Variants in DYNC2H1 observed in about 807,000 individuals in gnomAD.
The protein encoded by DYNC2H1 is dynein cytoplasmic 2 heavy chain 1, also known as cytoplasmic dynein 2 heavy chain 1.
Under a neutral mutation model 570.0 loss-of-function variants are expected in DYNC2H1, and 410 were observed. The observed-to-expected ratio is 0.72, with a 90% CI of 0.66 to 0.78. DYNC2H1 has a LOEUF of 0.78. Among genes scored for constraint, DYNC2H1 ranks in the 30% least tolerant of loss-of-function variants. DYNC2H1 has a pLI of 0.00. For synonymous variants in DYNC2H1, 1,688 were observed against 1,677.6 expected (o/e 1.01, Z -0.15); for missense variants, 4,865 against 5,046.4 (o/e 0.96, Z 1.09).
intron 82 of DYNC2H1, among the ~76,000 whole-genome samples, chr11:103,346,418 A>G (rs1433502484): frequency 6.6e-6 from 1 of 152,182 alleles, no homozygotes; most frequent in Non-Finnish European, 1.5e-5. Context: ...GAGATAATGT[A>G]TTTGTACTTT....
At chr11:103,136,611 A>T (rs1167987121) in intron 17 of DYNC2H1, among the ~76,000 whole-genome samples, 1 of 152,166 alleles carries the variant, frequency 6.6e-6, no homozygotes, top group Non-Finnish European at 1.5e-5. Context: ...ACATTTTCTT[A>T]ATCAAGTCTA....
intron 5 of DYNC2H1, among the ~76,000 whole-genome samples, 177 bp downstream of exon 5, chr11:103,116,891 G>A (rs1217733632): frequency 6.6e-6 from 1 of 151,640 alleles, no homozygotes. Context: ...TAAATCATAT[G>A]TGTCAAATTC....
chr11:103,457,509 T>TCA (rs1379626716), intron 87 of DYNC2H1, among the ~76,000 whole-genome samples: 170 of 152,140 alleles, frequency 1.1e-3, no homozygotes, highest in African/African-American at 3.9e-3. Context: ...GTGTCTTCAT[T>TCA]TTTAACAAAA....
In DYNC2H1 at chr11:103,303,131, C is replaced by T. The variant is rs753007219; in HGVS notation, c.11134C>T (p.Arg3712Cys). 4.4e-6 allele frequency: 7 copies of T among 1,606,396 alleles called. No individual in the cohort carries two copies. Among genetic ancestry groups the T allele is most frequent in the East Asian group, 2.2e-5 (1 of 44,650 alleles). The change falls in exon 76 of 89, where the codon CGT becomes TGT. Residue 3712 changes from arginine to cysteine, a missense_variant. Arg to Cys is a radical substitution (Grantham distance 180). Around this residue, in one of 5 missense-constraint regions of DYNC2H1, gnomAD observed 2,401 missense variants for 2,454.6 expected, o/e 0.98. Coordinates refer to ENST00000375735, the MANE Select transcript of DYNC2H1 (RefSeq NM_001377.3). ...GTCCCCACTGCCTCTAAATCTCAAA[C>T]GTTTATACAAAGAGACACTGGAAAT... ...EVSPLPLNLKRLYKETLEIEP... is the reference protein window; with the variant it reads ...EVSPLPLNLKCLYKETLEIEP...
intron 28 of DYNC2H1, among the ~76,000 whole-genome samples, chr11:103,159,908 GT>G (rs963357226): frequency 1.3e-5 from 2 of 152,014 alleles, no homozygotes; most frequent in African/African-American, 4.8e-5. Flanking sequence ...TTTATGTATT[GT>G]TGTCTATACC....
In DYNC2H1 at chr11:103,234,076, A is replaced by G. The variant is rs1299083648; in HGVS notation, c.9483A>G (p.Glu3161=). 1 of 1,564,856 alleles carries G rather than the reference A, an allele frequency of 6.4e-7. No homozygotes were observed. Among genetic ancestry groups the G allele is most frequent in the Non-Finnish European group, 8.7e-7 (1 of 1,153,562 alleles). ...CAGAAGCTGCCAAACTTGAGGCTGA[A>G]GTAAGCAAGGCACAAGAAACAATCA... ...RTSEAAKLEA[E]VSKAQETIKA... The change falls in exon 61 of 89, where the codon GAA becomes GAG. Residue 3161 remains glutamate, a synonymous_variant. Transcript: ENST00000375735.
intron 88 of DYNC2H1, among the ~76,000 whole-genome samples, chr11:103,469,634 C>T (rs559064892): frequency 1.3e-5 from 2 of 152,206 alleles, no homozygotes; most frequent in African/African-American, 4.8e-5. Flanking sequence ...TAAGAGTATC[C>T]TCTGACCTAA....
rs1944172945 is a variant in DYNC2H1 at position 103,439,218 on chromosome 11, C to T, written c.12456+3186C>T. On this transcript the variant is annotated intron_variant, in intron 85 of 88. Coordinates refer to ENST00000375735, the MANE Select transcript of DYNC2H1 (RefSeq NM_001377.3). The surrounding 1 kb of genome is among the most constrained non-coding windows in gnomAD (Gnocchi z 4.1). Reference sequence around the variant, plus strand: ...CCTAGAAGGGGTCAGAGAAGTGCTGCCTAAGCTGGGAACTTAGTAGGAATA... The same window carrying T: ...CCTAGAAGGGGTCAGAGAAGTGCTGTCTAAGCTGGGAACTTAGTAGGAATA... Among the ~76,000 whole-genome samples the T allele has an allele frequency of 6.6e-6, 1 of 151,930 alleles. No individual in the cohort carries two copies. Among genetic ancestry groups the T allele is most frequent in the Admixed American group, 6.6e-5 (1 of 15,230 alleles).
At chr11:103,471,308 C>T (rs1945378461) in intron 88 of DYNC2H1, among the ~76,000 whole-genome samples, 1 of 152,176 alleles carries the variant, frequency 6.6e-6, no homozygotes, top group Non-Finnish European at 1.5e-5. Flanking sequence ...TGTAATCATA[C>T]TACTTTCAGA....
At chr11:103,330,661 T>C in intron 82 of DYNC2H1, among the ~76,000 whole-genome samples, 1 of 151,700 alleles carries the variant, frequency 6.6e-6, no homozygotes, top group Non-Finnish European at 1.5e-5. Flanking sequence ...CCCAAATAAA[T>C]AAAACAGTTA....
At chr11:103,271,552 T>G (rs140010637) in intron 70 of DYNC2H1, among the ~76,000 whole-genome samples, 1 of 152,350 alleles carries the variant, frequency 6.6e-6, no homozygotes, top group South Asian at 2.1e-4. Flanking sequence ...GATTTTTTAC[T>G]GCTTCCTTAG....
At chr11:103,477,013 C>A (rs1945573466) in intron 88 of DYNC2H1, among the ~76,000 whole-genome samples, 1 of 151,960 alleles carries the variant, frequency 6.6e-6, no homozygotes, top group Non-Finnish European at 1.5e-5. Flanking sequence ...ATATCTGGAG[C>A]TCTTTAATAT....
At chr11:103,414,016 A>G (rs1449091833) in intron 84 of DYNC2H1, among the ~76,000 whole-genome samples, 2 of 151,736 alleles carry the variant, frequency 1.3e-5, no homozygotes, top group African/African-American at 4.9e-5. Flanking sequence ...AAGTTTTATC[A>G]TTATTATTTG....
At chr11:103,290,802 C>A (rs1001993546) in intron 75 of DYNC2H1, among the ~76,000 whole-genome samples, 4 of 152,080 alleles carry the variant, frequency 2.6e-5, no homozygotes, top group African/African-American at 9.7e-5. Context: ...CTCAAGGGTT[C>A]ATAATATTCT....
rs755182254 is a variant in DYNC2H1, at chr11:103,235,818, GTATT to G, written c.9709+8_9709+11del. On this transcript the variant is annotated splice_donor_region_variant and intron_variant, in intron 62 of 88. Coordinates refer to ENST00000375735, the MANE Select transcript of DYNC2H1 (RefSeq NM_001377.3). ...CCAAGTCAGCTGGTCTTGAGAGTTT[GTATT>G]TAGTTATTCCTGATCTTGAGAGTTT... is the stretch of plus-strand genomic sequence containing the variant. 23 of 1,609,896 alleles carry G rather than the reference GTATT, an allele frequency of 1.4e-5. No individual in the cohort carries two copies. The highest frequency in any genetic ancestry group is 1.6e-5 in the Non-Finnish European group (19 of 1,177,430).
intron 82 of DYNC2H1, among the ~76,000 whole-genome samples, chr11:103,347,219 CAA>C (rs1939786662): frequency 6.6e-6 from 1 of 152,042 alleles, no homozygotes; most frequent in South Asian, 2.1e-4. Flanking sequence ...TAATGGCAGG[CAA>C]AAGAGGCAAG....
At chr11:103,422,802 C>T (rs1468888223) in intron 84 of DYNC2H1, among the ~76,000 whole-genome samples, 1 of 152,144 alleles carries the variant, frequency 6.6e-6, no homozygotes, top group Non-Finnish European at 1.5e-5. Context: ...TCCCTCACCA[C>T]TCCTATTCAA....
rs1264402198 is a variant in DYNC2H1 at position 103,244,772 on chromosome 11, T to C, written c.9919-479T>C. On this transcript the variant is annotated intron_variant, in intron 64 of 88. Coordinates refer to ENST00000375735, the MANE Select transcript of DYNC2H1 (RefSeq NM_001377.3). This position sits in a 1 kb window ranked among gnomAD's most constrained non-coding sequence, Gnocchi z 4.3. The stretch of plus-strand genomic sequence containing the variant: ...CTATATATATCTATAGTTACAGTTA[T>C]ATACATATAAGTACTATATCTATAT... Among the ~76,000 whole-genome samples, 2 of 148,558 alleles carry C rather than the reference T, an allele frequency of 1.3e-5. No homozygotes were observed. The highest frequency in any genetic ancestry group is 4.9e-5 in the African/African-American group (2 of 40,608).
chr11:103,189,798 G>A lies in DYNC2H1; in HGVS notation c.7419G>A (p.Met2473Ile). ...AAATTTATCTTTTAGCAGGATCTAT[G>A]GTACAAGTGTATGAACAGGTAGATA... is the stretch of plus-strand genomic sequence containing the variant. Reference protein sequence around the residue: ...SSKIYLLAGSMVQVYEQVRAK... With the variant: ...SSKIYLLAGSIVQVYEQVRAK... The change falls in exon 45 of 89, where the codon ATG (methionine) becomes ATA (isoleucine). Residue 2473 changes from methionine to isoleucine, a missense_variant. Around this residue, in one of 5 missense-constraint regions of DYNC2H1, gnomAD observed 2,401 missense variants for 2,454.6 expected, o/e 0.98. Transcript: ENST00000375735. This position sits in a 1 kb window ranked among gnomAD's most constrained non-coding sequence, Gnocchi z 4.3. The A allele has an allele frequency of 6.2e-7, 1 of 1,609,284 alleles. No individual in the cohort carries two copies. Among genetic ancestry groups the A allele is most frequent in the South Asian group, 1.1e-5 (1 of 90,428 alleles).
Sources: gnomAD v4.1 joint callset for allele counts (sites outside exome capture counted in the v4.1 genomes callset) on GRCh38, gnomAD v4.1.1 for gene constraint, gnomAD v4.1.1 regional missense constraint, Gnocchi (gnomAD v3.1) non-coding constraint, MANE v1.5 for transcripts, NCBI Gene and HGNC (gene_info 2026-07-23, HGNC 2026-07-21) for gene names.